Variants in PTPRD observed in about 807,000 individuals in gnomAD.
PTPRD encodes receptor-type tyrosine-protein phosphatase delta.
A neutral mutation model predicts 214.5 loss-of-function variants in PTPRD; 34 were observed. That is an observed-to-expected ratio of 0.16 (90% CI 0.12 to 0.21). PTPRD has a LOEUF of 0.21. PTPRD is among the 10% of genes least tolerant of loss of function. The pLI is 1.00. For synonymous variants in PTPRD, 1,128 were observed against 845.7 expected, an observed-to-expected ratio of 1.33 and a Z score of -5.79; for missense variants, 2,545 against 2,398.7, an observed-to-expected ratio of 1.06 and a Z score of -1.27.
intron 5 of PTPRD, among the ~76,000 whole-genome samples, chr9:9,913,936 C>A (rs946804175): frequency 6.6e-6 from 1 of 152,166 alleles, no homozygotes. Context: ...ACACAGGGCA[C>A]CATCTTCATT....
intron 4 of PTPRD, among the ~76,000 whole-genome samples, chr9:9,987,476 C>G (rs1257350284): frequency 6.6e-6 from 1 of 152,090 alleles, no homozygotes; most frequent in Non-Finnish European, 1.5e-5. Context: ...AAGGCTTATG[C>G]AGAGAAACTC....
At chr9:9,344,127 AC>A (rs1473474571) in intron 9 of PTPRD, among the ~76,000 whole-genome samples, 2 of 152,172 alleles carry the variant, frequency 1.3e-5, no homozygotes, top group East Asian at 1.9e-4. Flanking sequence ...ATCAGACATG[AC>A]AACTTACACT....
chr9:9,534,055 T>C (rs7035012), intron 8 of PTPRD, among the ~76,000 whole-genome samples: 1 of 151,798 alleles, frequency 6.6e-6, no homozygotes, highest in Non-Finnish European at 1.5e-5. Context: ...ACACTAGCAA[T>C]AAAACCATAG....
intron 3 of PTPRD, among the ~76,000 whole-genome samples, chr9:10,237,101 G>C (rs2099631456): frequency 1.3e-5 from 2 of 151,844 alleles, no homozygotes; most frequent in South Asian, 4.1e-4. Flanking sequence ...TGATCATGAT[G>C]TATTGATGCA....
At chr9:8,551,585 A>C (rs2140798677) in intron 14 of PTPRD, among the ~76,000 whole-genome samples, 1 of 152,326 alleles carries the variant, frequency 6.6e-6, no homozygotes, top group East Asian at 1.9e-4. Context: ...CTGAAGTACC[A>C]GTCATTTTAA....
At chr9:9,862,746 C>A (rs897018938) in intron 5 of PTPRD, among the ~76,000 whole-genome samples, 15 of 151,860 alleles carry the variant, frequency 9.9e-5, no homozygotes, top group African/African-American at 3.6e-4. Context: ...GGGAGTAGTC[C>A]CTCAAACACC....
chr9:9,022,916 T>C (rs991243505), intron 10 of PTPRD, among the ~76,000 whole-genome samples: 8 of 152,190 alleles, frequency 5.3e-5, no homozygotes, highest in Middle Eastern at 6.8e-3. Flanking sequence ...GAAAATAAAA[T>C]GTAGAAATTT....
intron 3 of PTPRD, among the ~76,000 whole-genome samples, chr9:10,074,077 A>T (rs908050266): frequency 7.2e-5 from 11 of 152,234 alleles, no homozygotes; most frequent in Admixed American, 5.9e-4. Flanking sequence ...GTAAGCTGTC[A>T]CAGAATTTGC....
intron 3 of PTPRD, among the ~76,000 whole-genome samples, chr9:10,088,379 A>G (rs2098383354): frequency 6.6e-6 from 1 of 151,762 alleles, no homozygotes; most frequent in Non-Finnish European, 1.5e-5. Flanking sequence ...TAAGACTTTC[A>G]TGTCTATGGA....
At chr9:9,852,717 T>C (rs904435192) in intron 5 of PTPRD, among the ~76,000 whole-genome samples, 2 of 152,230 alleles carry the variant, frequency 1.3e-5, no homozygotes, top group African/African-American at 4.8e-5. Context: ...TCAACATTTA[T>C]TGTGTATCAG....
chr9:10,552,415 A>G (rs2061541242), intron 2 of PTPRD, among the ~76,000 whole-genome samples: 1 of 151,464 alleles, frequency 6.6e-6, no homozygotes, highest in African/African-American at 2.4e-5. Flanking sequence ...GAAACCTTAA[A>G]CTCCATCATG....
chr9:9,181,425 A>G (rs957684808), intron 10 of PTPRD, among the ~76,000 whole-genome samples: 4 of 151,738 alleles, frequency 2.6e-5, no homozygotes, highest in Admixed American at 2.6e-4. Flanking sequence ...GCCTGTTTCC[A>G]TTTTCAAACC....
chr9:9,062,748 T>C (rs1036142646), intron 10 of PTPRD, among the ~76,000 whole-genome samples: 9 of 152,222 alleles, frequency 5.9e-5, no homozygotes, highest in South Asian at 2.1e-4. Context: ...AAATATCATA[T>C]GGCTGCTTAT....
At chr9:9,957,968 A>C (rs959399410) in intron 4 of PTPRD, among the ~76,000 whole-genome samples, 13 of 152,270 alleles carry the variant, frequency 8.5e-5, no homozygotes, top group African/African-American at 3.1e-4. Context: ...AGGGCAATTC[A>C]ATGGGGAAAA....
intron 4 of PTPRD, among the ~76,000 whole-genome samples, chr9:9,981,777 T>G (rs531076253): frequency 2.6e-4 from 39 of 152,306 alleles, no homozygotes; most frequent in Non-Finnish European, 4.4e-4. Flanking sequence ...GCTTTTTGAC[T>G]CGTATCATAC....
intron 2 of PTPRD, among the ~76,000 whole-genome samples, chr9:10,550,280 A>G (rs1348761621): frequency 6.6e-6 from 1 of 152,182 alleles, no homozygotes; most frequent in Non-Finnish European, 1.5e-5. Context: ...ATACATATAT[A>G]ATTTTTTAAA....
At chr9:8,715,913 G>A (rs549881909) in intron 12 of PTPRD, among the ~76,000 whole-genome samples, 1 of 152,344 alleles carries the variant, frequency 6.6e-6, no homozygotes, top group South Asian at 2.1e-4. Context: ...TACAGTATGA[G>A]TAAATTCCTG....
At chr9:9,587,682 A>C (rs145281036) in intron 7 of PTPRD, among the ~76,000 whole-genome samples, 3 of 152,114 alleles carry the variant, frequency 2.0e-5, no homozygotes, top group African/African-American at 7.2e-5. Context: ...CCAAGTTCCC[A>C]GGTGATGTTG....
chr9:9,966,587 T>C (rs1158877532), intron 4 of PTPRD, among the ~76,000 whole-genome samples: 1 of 152,184 alleles, frequency 6.6e-6, no homozygotes, highest in African/African-American at 2.4e-5. Context: ...CCCTGCTTAT[T>C]ATCTGAATTC....
Sources: gnomAD v4.1 joint callset for allele counts (sites outside exome capture counted in the v4.1 genomes callset) on GRCh38, gnomAD v4.1.1 for gene constraint, MANE v1.5 for transcripts, NCBI Gene and HGNC (gene_info 2026-07-23, HGNC 2026-07-21) for gene names.